Variants in PATJ observed in about 807,000 individuals in gnomAD.
PATJ encodes the protein inaD-like protein.
Under a neutral mutation model 224.9 loss-of-function variants are expected in PATJ, and 190 were observed. The ratio of observed to expected loss-of-function variants is 0.84; its 90% CI spans 0.75 to 0.95. The LOEUF (loss-of-function observed/expected upper bound fraction) is 0.95, where lower values mean the gene tolerates loss of function less well. PATJ is among the 40% of genes least tolerant of loss of function. PATJ has a pLI of 0.00. For missense variants in PATJ, 2,121 were observed against 2,270.3 expected (o/e 0.93, Z 1.34); for synonymous variants, 769 against 820.3 (o/e 0.94, Z 1.07).
chr1:61,764,019 G>A (rs1218137800), intron 3 of PATJ, among the ~76,000 whole-genome samples: 2 of 150,652 alleles, frequency 1.3e-5, no homozygotes, highest in African/African-American at 4.9e-5. Context: ...GTGTGTGTGT[G>A]TTATTATTAT....
intron 37 of PATJ, among the ~76,000 whole-genome samples, chr1:62,118,082 A>T (rs1182641025): frequency 6.6e-6 from 1 of 152,220 alleles, no homozygotes; most frequent in Admixed American, 6.5e-5. Flanking sequence ...GGTGTTAAAA[A>T]ATGAGTGAGG....
intron 1 of PATJ, among the ~76,000 whole-genome samples, chr1:61,750,365 A>T (rs533494104): frequency 3.4e-5 from 5 of 147,398 alleles, no homozygotes; most frequent in Admixed American, 2.0e-4. Context: ...TAATTAGTGG[A>T]TGTTGCTTTG....
intron 7 of PATJ, among the ~76,000 whole-genome samples, chr1:61,785,754 G>A (rs1260483259): frequency 6.6e-6 from 1 of 152,106 alleles, no homozygotes; most frequent in African/African-American, 2.4e-5. Context: ...TGAACACTTT[G>A]AACAGATACT....
intron 28 of PATJ, among the ~76,000 whole-genome samples, chr1:61,998,284 A>T (rs1447642822): frequency 6.6e-6 from 1 of 151,366 alleles, no homozygotes; most frequent in Non-Finnish European, 1.5e-5. Context: ...GGGTTTCACC[A>T]TGTTGGCCAG....
intron 5 of PATJ, 110 bp downstream of exon 5, chr1:61,769,532 A>T: frequency 1.6e-6 from 2 of 1,275,896 alleles, no homozygotes; most frequent in Non-Finnish European, 2.2e-6. Flanking sequence ...AACAGCTAAC[A>T]TTTTTGCTTT....
intron 27 of PATJ, among the ~76,000 whole-genome samples, chr1:61,973,964 T>C (rs1398286885): frequency 1.3e-5 from 2 of 151,896 alleles, no homozygotes; most frequent in African/African-American, 4.9e-5. Flanking sequence ...GTGTTCTTAG[T>C]GTGCATAAGA....
At chr1:62,149,850 C>G (rs952834078) in intron 42 of PATJ, among the ~76,000 whole-genome samples, 1 of 150,582 alleles carries the variant, frequency 6.6e-6, no homozygotes, top group Non-Finnish European at 1.5e-5. Flanking sequence ...TAAATTTAAA[C>G]TAATTGGTTG....
intron 20 of PATJ, among the ~76,000 whole-genome samples, chr1:61,871,555 ATATT>A (rs1347686194): frequency 2.6e-4 from 15 of 58,082 alleles, no homozygotes; most frequent in Non-Finnish European, 3.0e-4. Context: ...ATATATATAT[ATATT>A]TTTTTTTTTT....
intron 19 of PATJ, among the ~76,000 whole-genome samples, 192 bp downstream of exon 19, chr1:61,861,859 T>TTC (rs145278086): frequency 0.083 from 12,505 of 151,446 alleles, 558 homozygotes; most frequent in African/African-American, 0.11. Flanking sequence ...TAATCCTCCT[T>TTC]TCTCTCTCTC....
intron 1 of PATJ, among the ~76,000 whole-genome samples, chr1:61,757,174 C>T (rs938638328): frequency 6.7e-6 from 1 of 149,538 alleles, no homozygotes; most frequent in Non-Finnish European, 1.5e-5. Context: ...TGGGCTCAAG[C>T]GATTCTCCCA....
chr1:61,766,914 A>G (rs1226420720), intron 4 of PATJ, among the ~76,000 whole-genome samples: 2 of 152,064 alleles, frequency 1.3e-5, no homozygotes, highest in East Asian at 3.9e-4. Flanking sequence ...CCAACATGGC[A>G]AAACCCTGTC....
intron 35 of PATJ, among the ~76,000 whole-genome samples, chr1:62,115,973 T>C (rs1558190145): frequency 6.6e-6 from 1 of 152,126 alleles, no homozygotes; most frequent in Non-Finnish European, 1.5e-5. Flanking sequence ...TCAGTGCACA[T>C]CTGGGTGCAG....
At chr1:62,058,170 T>C (rs1343907319) in intron 31 of PATJ, among the ~76,000 whole-genome samples, 1 of 152,144 alleles carries the variant, frequency 6.6e-6, no homozygotes, top group Non-Finnish European at 1.5e-5. Flanking sequence ...TTTGTGGAGA[T>C]TTTAGAATTT....
chr1:62,125,727 T>A (rs1458414495), intron 39 of PATJ, among the ~76,000 whole-genome samples: 1 of 152,184 alleles, frequency 6.6e-6, no homozygotes, highest in Admixed American at 6.6e-5. Context: ...TAAAGCCTGC[T>A]CCTACCTACC....
intron 33 of PATJ, among the ~76,000 whole-genome samples, chr1:62,095,640 A>G (rs948022819): frequency 2.0e-5 from 3 of 152,170 alleles, no homozygotes; most frequent in Non-Finnish European, 2.9e-5. Context: ...TAGAGAAAGC[A>G]TTTGTCTGCA....
chr1:62,090,094 C>A (rs538141699), intron 33 of PATJ, among the ~76,000 whole-genome samples: 1 of 152,248 alleles, frequency 6.6e-6, no homozygotes, highest in South Asian at 2.1e-4. Flanking sequence ...CCAAGACAGA[C>A]GGTTTCTGAG....
chr1:61,972,414 T>A (rs1683110042), intron 27 of PATJ, among the ~76,000 whole-genome samples: 1 of 152,040 alleles, frequency 6.6e-6, no homozygotes, highest in East Asian at 1.9e-4. Context: ...TTCTTTCTCA[T>A]AATACTATTT....
intron 20 of PATJ, among the ~76,000 whole-genome samples, chr1:61,874,209 T>G (rs1667057855): frequency 8.6e-6 from 1 of 116,562 alleles, no homozygotes; most frequent in Non-Finnish European, 2.0e-5. Context: ...TATTTATTTA[T>G]TTATTTATTT....
intron 1 of PATJ, among the ~76,000 whole-genome samples, chr1:61,746,195 G>C (rs1363989585): frequency 6.6e-6 from 1 of 152,074 alleles, no homozygotes; most frequent in Non-Finnish European, 1.5e-5. Context: ...GCCCGACTTG[G>C]CCTCCCAAAG....
Sources: gnomAD v4.1 joint callset for allele counts (sites outside exome capture counted in the v4.1 genomes callset) on GRCh38, gnomAD v4.1.1 for gene constraint, MANE v1.5 for transcripts, NCBI Gene and HGNC (gene_info 2026-07-23, HGNC 2026-07-21) for gene names.